The following RPTOR variants were observed in gnomAD, a reference collection of about 807,000 sequenced individuals.
RPTOR encodes the protein regulatory associated protein of MTOR complex 1, also known as regulatory-associated protein of mTOR.
In RPTOR, 21 loss-of-function variants were observed where a neutral mutation model predicts 169.9. That is an observed-to-expected ratio of 0.12 (90% CI 0.09 to 0.18). The LOEUF (loss-of-function observed/expected upper bound fraction) is 0.18. Ranked by LOEUF, RPTOR falls within the 10% of genes least tolerant of loss-of-function variation. RPTOR has a pLI of 1.00. For synonymous variants in RPTOR, 732 were observed against 753.2 expected (o/e 0.97, Z 0.46); for missense variants, 1,133 against 1,855.9 (o/e 0.61, Z 7.16).
chr17:80,856,833 A>T (rs954764029), intron 12 of RPTOR, among the ~76,000 whole-genome samples: 34 of 152,212 alleles, frequency 2.2e-4, no homozygotes, highest in Admixed American at 2.2e-3. Flanking sequence ...GCTTCTGCTC[A>T]TTGGAAATTT....
intron 1 of RPTOR, chr17:80,602,552 G>A: frequency 1.8e-6 from 1 of 568,150 alleles, no homozygotes; most frequent in Non-Finnish European, 3.4e-6. Context: ...TCAGCGATTA[G>A]TTCTCATCCA....
chr17:80,710,666 T>C (rs992516850), intron 4 of RPTOR, among the ~76,000 whole-genome samples: 24 of 152,028 alleles, frequency 1.6e-4, no homozygotes, highest in Non-Finnish European at 3.2e-4. Flanking sequence ...TGAATGATAC[T>C]GTATGACCAT....
chr17:80,620,899 T>C (rs1037423593), intron 1 of RPTOR, among the ~76,000 whole-genome samples: 1 of 152,232 alleles, frequency 6.6e-6, no homozygotes, highest in Non-Finnish European at 1.5e-5. Context: ...TGGAGTTAAA[T>C]TGGTAGCTAG....
At chr17:80,865,806 G>A (rs1314213087) in intron 13 of RPTOR, among the ~76,000 whole-genome samples, 2 of 152,050 alleles carry the variant, frequency 1.3e-5, no homozygotes, top group Middle Eastern at 3.4e-3. Flanking sequence ...CAGCAGCTGG[G>A]CCCTGACGTT....
rs1225697279 is a variant in RPTOR at position 80,609,736 on chromosome 17, T to G, written c.163-15955T>G. Among the ~76,000 whole-genome samples, 1 of 151,118 alleles carries G rather than the reference T, an allele frequency of 6.6e-6. No homozygotes were observed. Among genetic ancestry groups the G allele is most frequent in the Non-Finnish European group, 1.5e-5 (1 of 67,722 alleles). Reference sequence around the variant, plus strand: ...CTCCAGCCTGGGCGACAGAGCGAGATTCTGTCTCAAAAAAAAAAAAAAGTT... The same window carrying G: ...CTCCAGCCTGGGCGACAGAGCGAGAGTCTGTCTCAAAAAAAAAAAAAAGTT... On this transcript the variant is annotated intron_variant, in intron 1 of 33. Transcript: ENST00000306801. This position sits in a 1 kb window ranked among gnomAD's most constrained non-coding sequence, Gnocchi z 4.8.
chr17:80,854,379 C>A lies in RPTOR; in HGVS notation c.1315-1085C>A, dbSNP rs561228058. 5.3e-5 allele frequency among the ~76,000 whole-genome samples: 8 copies of A among 152,318 alleles called. No homozygotes were observed. The East Asian group carries it at 1.3e-3, about 26-fold the overall frequency. ...GACGTTAACTTGCCCAGAGTCACACCGCAGTGAGCGCTGCTGGGTGACCAG... is the reference window on the plus strand; with the variant it reads ...GACGTTAACTTGCCCAGAGTCACACAGCAGTGAGCGCTGCTGGGTGACCAG... On this transcript the variant is annotated intron_variant, in intron 11 of 33. Transcript: ENST00000306801.
rs2066157694 is a variant in RPTOR at position 80,708,436 on chromosome 17, G to A, written c.507+437G>A. Among the ~76,000 whole-genome samples the A allele has an allele frequency of 6.6e-6, 1 of 152,190 alleles. No homozygotes were observed. On this transcript the variant is annotated intron_variant, in intron 4 of 33. Coordinates refer to ENST00000306801, the MANE Select transcript of RPTOR (RefSeq NM_020761.3). This position sits in a 1 kb window ranked among gnomAD's most constrained non-coding sequence, Gnocchi z 4.2. ...AGCTGCCCTGCAGGTGCAGGCTCTGGGCTTCCCTCCTCAAGGTCAGAATCA... is the reference window on the plus strand; with the variant it reads ...AGCTGCCCTGCAGGTGCAGGCTCTGAGCTTCCCTCCTCAAGGTCAGAATCA...
Position 80,835,342 on chromosome 17 carries a change from A to G in RPTOR, c.1137-2580A>G, listed in dbSNP as rs1356557855. Among the ~76,000 whole-genome samples the G allele has an allele frequency of 2.6e-5, 4 of 152,182 alleles. No individual in the cohort carries two copies. The East Asian group carries it at 7.7e-4, about 29-fold the overall frequency. On this transcript the variant is annotated intron_variant, in intron 9 of 33. Coordinates refer to ENST00000306801, the MANE Select transcript of RPTOR (RefSeq NM_020761.3). ...AAAATATGCCCTTTGACACGGCAGC[A>G]CGGAGTGTCATTAACCTAAAAAATA...
intron 6 of RPTOR, among the ~76,000 whole-genome samples, chr17:80,781,181 G>A (rs932811985): frequency 3.3e-5 from 5 of 152,204 alleles, no homozygotes; most frequent in Admixed American, 2.6e-4. Context: ...TGACATTGCC[G>A]GGTGGCCTGA....
In RPTOR at chr17:80,959,583, C is replaced by G. The variant is rs1193462976; in HGVS notation, c.3478-495C>G. 6.6e-6 allele frequency among the ~76,000 whole-genome samples: 1 copy of G among 152,218 alleles called. No homozygotes were observed. The highest frequency in any genetic ancestry group is 1.5e-5 in the Non-Finnish European group (1 of 68,034). On this transcript the variant is annotated intron_variant, in intron 29 of 33. Transcript: ENST00000306801. The surrounding 1 kb of genome is among the most constrained non-coding windows in gnomAD (Gnocchi z 6.7). ...CGCCCCCGCCCCCGCTTCTCCAGCA[C>G]TTAGAGCCCCCGAGGGAGCCAGATG...
At chr17:80,653,677 C>T (rs937203974) in intron 3 of RPTOR, among the ~76,000 whole-genome samples, 24 of 152,212 alleles carry the variant, frequency 1.6e-4, no homozygotes, top group African/African-American at 5.3e-4. Context: ...GCCCGGTCTC[C>T]GCCGTGCTGC....
At chr17:80,918,510 T>C (rs5016359) in intron 21 of RPTOR, among the ~76,000 whole-genome samples, 67,541 of 100,528 alleles carry the variant, frequency 0.67, 20,012 homozygotes, top group Non-Finnish European at 0.71. Flanking sequence ...GTCATAGCCA[T>C]GAGCACCCTC....
At chr17:80,920,417 G>C (rs1299783363) in intron 21 of RPTOR, among the ~76,000 whole-genome samples, 1 of 152,242 alleles carries the variant, frequency 6.6e-6, no homozygotes, top group Non-Finnish European at 1.5e-5. Context: ...TTCCAGAAGT[G>C]GTGGAAAATT....
chr17:80,953,264 C>A (rs553421711), intron 28 of RPTOR, among the ~76,000 whole-genome samples: 1 of 152,248 alleles, frequency 6.6e-6, no homozygotes, highest in South Asian at 2.1e-4. Flanking sequence ...CAGTTTCTTC[C>A]CATAGATTCT....
intron 9 of RPTOR, among the ~76,000 whole-genome samples, chr17:80,834,270 T>A (rs143977228): frequency 1.8e-3 from 281 of 152,350 alleles, no homozygotes; most frequent in Non-Finnish European, 3.3e-3. Flanking sequence ...CGCTTGTCTT[T>A]CAGCGGTTTG....
At chr17:80,771,442 A>C (rs901829473) in intron 6 of RPTOR, among the ~76,000 whole-genome samples, 5 of 152,136 alleles carry the variant, frequency 3.3e-5, no homozygotes, top group African/African-American at 4.8e-5. Context: ...CCTGGGCCTC[A>C]TTGCCTAGTT....
At chr17:80,920,186 G>A (rs1305485913) in intron 21 of RPTOR, among the ~76,000 whole-genome samples, 1 of 152,168 alleles carries the variant, frequency 6.6e-6, no homozygotes, top group Admixed American at 6.5e-5. Flanking sequence ...TCCTCACACC[G>A]ACACCGCAGG....
In RPTOR at chr17:80,836,097, C is replaced by T. The variant is rs536951644; in HGVS notation, c.1137-1825C>T. Among the ~76,000 whole-genome samples, 307 of 152,262 alleles carry T rather than the reference C, an allele frequency of 2.0e-3. 2 individuals are homozygous for T. The highest frequency in any genetic ancestry group is 6.8e-3 in the African/African-American group (283 of 41,546). On this transcript the variant is annotated intron_variant, in intron 9 of 33. Coordinates refer to ENST00000306801, the MANE Select transcript of RPTOR (RefSeq NM_020761.3). Reference sequence around the variant, plus strand: ...ACGCGCCCAGAGCCCCAGAGCCACACGCTGAATTTCACCAAGCAGCCTCCC... The same window carrying T: ...ACGCGCCCAGAGCCCCAGAGCCACATGCTGAATTTCACCAAGCAGCCTCCC...
chr17:80,841,520 C>T (rs1325611533), intron 10 of RPTOR, among the ~76,000 whole-genome samples: 4 of 128,448 alleles, frequency 3.1e-5, no homozygotes, highest in Admixed American at 7.6e-5. Flanking sequence ...TCACACCACA[C>T]GGCAGCTCAC....
Sources: allele counts gnomAD v4.1 joint callset (sites outside exome capture counted in the v4.1 genomes callset), GRCh38; gene constraint gnomAD v4.1.1; non-coding constraint Gnocchi (gnomAD v3.1); transcripts MANE v1.5; gene names NCBI Gene and HGNC (gene_info 2026-07-23, HGNC 2026-07-21).